GRHL2: variants seen among roughly 807,000 people sequenced by gnomAD.
The protein encoded by GRHL2 is grainyhead-like protein 2 homolog.
A neutral mutation model predicts 83.8 loss-of-function variants in GRHL2; 21 were observed. That is an observed-to-expected ratio of 0.25 (90% confidence interval 0.18 to 0.36). GRHL2 has a LOEUF of 0.36. Ranked by LOEUF, GRHL2 falls within the 10% of genes least tolerant of loss-of-function variation. GRHL2 has a pLI of 1.00. For missense variants in GRHL2, 623 were observed against 781.8 expected, an observed-to-expected ratio of 0.80 and a Z score of 2.42; for synonymous variants, 280 against 278.9, an observed-to-expected ratio of 1.00 and a Z score of -0.04.
chr8:101,536,260 T>C (rs950264499), intron 1 of GRHL2, among the ~76,000 whole-genome samples: 3 of 152,196 alleles, frequency 2.0e-5, no homozygotes, highest in Non-Finnish European at 2.9e-5. Flanking sequence ...TAAAGAGTCA[T>C]AGTATACTCT....
intron 1 of GRHL2, among the ~76,000 whole-genome samples, chr8:101,527,936 T>A (rs907982108): frequency 2.6e-5 from 4 of 152,156 alleles, no homozygotes; most frequent in African/African-American, 9.7e-5. Context: ...GTTACTTAAG[T>A]TTTTTCCCAG....
rs570182584 is a variant in GRHL2 at position 101,501,813 on chromosome 8, C to G, written c.20+9024C>G. On this transcript the variant is annotated intron_variant, in intron 1 of 15. Coordinates refer to ENST00000646743, the MANE Select transcript of GRHL2 (RefSeq NM_024915.4). ...AAGAAGAAATCTTACATTTTTTCTT[C>G]TGTGTTTCATTTTGGGATTCTAAGT... Among the ~76,000 whole-genome samples, 6 of 151,378 alleles carry G rather than the reference C, an allele frequency of 4.0e-5. No homozygotes were observed. The East Asian group carries it at 1.2e-3, about 29-fold the overall frequency.
intron 13 of GRHL2, among the ~76,000 whole-genome samples, chr8:101,645,534 C>T (rs192655385): frequency 2.0e-5 from 3 of 152,172 alleles, no homozygotes; most frequent in East Asian, 1.9e-4. Flanking sequence ...CAAGAGAACC[C>T]GTCTGTAGCC....
At chr8:101,591,521 A>G (rs1315894638) in intron 7 of GRHL2, among the ~76,000 whole-genome samples, 1 of 152,212 alleles carries the variant, frequency 6.6e-6, no homozygotes, top group East Asian at 1.9e-4. Flanking sequence ...TTCCCAAGAA[A>G]CTAGTAGCCA....
chr8:101,664,391 C>G, intron 14 of GRHL2, 63 bp from the exon 15 acceptor site: 1 of 1,207,336 alleles, frequency 8.3e-7, no homozygotes, highest in South Asian at 1.2e-5. Flanking sequence ...CTGGAACTTT[C>G]CCCCTTGCCT....
At chr8:101,569,792 T>TAAAA in intron 4 of GRHL2, among the ~76,000 whole-genome samples, 1 of 152,212 alleles carries the variant, frequency 6.6e-6, no homozygotes, top group Non-Finnish European at 1.5e-5. Flanking sequence ...TTTTTAAAAC[T>TAAAA]TATTTAATTC....
chr8:101,574,648 C>G (rs373590861), intron 6 of GRHL2, among the ~76,000 whole-genome samples: 6 of 152,338 alleles, frequency 3.9e-5, no homozygotes, highest in African/African-American at 1.4e-4. Context: ...CTCGGGCATG[C>G]CGCCAGTGCA....
At chr8:101,637,605 G>A (rs1296591454) in intron 12 of GRHL2, among the ~76,000 whole-genome samples, 3 of 152,156 alleles carry the variant, frequency 2.0e-5, no homozygotes, top group Admixed American at 6.5e-5. Context: ...GAAACCTTAA[G>A]GTCATTTAGC....
At chr8:101,532,563 A>C (rs1185392061) in intron 1 of GRHL2, among the ~76,000 whole-genome samples, 1 of 152,118 alleles carries the variant, frequency 6.6e-6, no homozygotes, top group East Asian at 1.9e-4. Context: ...TAGCCTGACC[A>C]ACATGGTGAA....
At chr8:101,639,965 C>T (rs1813366814) in intron 12 of GRHL2, among the ~76,000 whole-genome samples, 1 of 152,226 alleles carries the variant, frequency 6.6e-6, no homozygotes, top group African/African-American at 2.4e-5. Flanking sequence ...GAGGATATAA[C>T]ACACAAGAGC....
At chr8:101,527,955 G>A (rs1374828323) in intron 1 of GRHL2, among the ~76,000 whole-genome samples, 2 of 152,012 alleles carry the variant, frequency 1.3e-5, no homozygotes, top group East Asian at 3.9e-4. Context: ...AGTATTTGTA[G>A]CATTTTTAAA....
At chr8:101,577,088 G>T (rs1811947738) in intron 6 of GRHL2, among the ~76,000 whole-genome samples, 1 of 152,086 alleles carries the variant, frequency 6.6e-6, no homozygotes, top group South Asian at 2.1e-4. Flanking sequence ...AAAAATTTGG[G>T]GGGGGTTTCT....
intron 7 of GRHL2, among the ~76,000 whole-genome samples, chr8:101,595,257 A>G (rs1217428013): frequency 1.3e-5 from 2 of 152,238 alleles, no homozygotes; most frequent in East Asian, 1.9e-4. Context: ...ATCTGTATCT[A>G]TATTGCATTT....
At chr8:101,550,154 A>G (rs1586084905) in intron 2 of GRHL2, among the ~76,000 whole-genome samples, 1 of 142,482 alleles carries the variant, frequency 7.0e-6, no homozygotes, top group Middle Eastern at 3.4e-3. Flanking sequence ...ATTATACTTT[A>G]AGTTCTGGGA....
At chr8:101,657,201 T>C (rs913898172) in intron 14 of GRHL2, among the ~76,000 whole-genome samples, 3 of 152,166 alleles carry the variant, frequency 2.0e-5, no homozygotes, top group Admixed American at 6.5e-5. Context: ...GCGCCCCCAG[T>C]GAATGAACAG....
chr8:101,610,737 C>A (rs552619039), intron 8 of GRHL2, among the ~76,000 whole-genome samples: 1 of 150,936 alleles, frequency 6.6e-6, no homozygotes, highest in East Asian at 1.9e-4. Flanking sequence ...CCAGGCACAC[C>A]ATTTTGAGCC....
At chr8:101,495,872 G>C (rs1273311751) in intron 1 of GRHL2, among the ~76,000 whole-genome samples, 1 of 152,128 alleles carries the variant, frequency 6.6e-6, no homozygotes, top group East Asian at 1.9e-4. Flanking sequence ...ACAGGGGCCA[G>C]GCGCGGCGGC....
chr8:101,507,887 C>T (rs1367491023), intron 1 of GRHL2, among the ~76,000 whole-genome samples: 3 of 134,510 alleles, frequency 2.2e-5, no homozygotes, highest in Admixed American at 7.9e-5. Flanking sequence ...AAGCAATTTT[C>T]GTGCCTTAGC....
chr8:101,624,870 C>A (rs1053002488), intron 9 of GRHL2, among the ~76,000 whole-genome samples: 11 of 152,048 alleles, frequency 7.2e-5, no homozygotes, highest in African/African-American at 2.7e-4. Context: ...AGATGGAAAT[C>A]TAGGCCTGAT....
Sources: allele counts gnomAD v4.1 joint callset (sites outside exome capture counted in the v4.1 genomes callset), GRCh38; gene constraint gnomAD v4.1.1; transcripts MANE v1.5; gene names NCBI Gene and HGNC (gene_info 2026-07-23, HGNC 2026-07-21).